PALLD: variants seen among roughly 807,000 people sequenced by gnomAD.
PALLD encodes palladin.
PALLD carries 61 observed loss-of-function variants against 123.5 expected under a neutral mutation model. The observed-to-expected ratio is 0.49, with a 90% CI of 0.40 to 0.61. PALLD has a LOEUF of 0.61. PALLD is among the 20% of genes least tolerant of loss of function. PALLD has a pLI of 0.00. For missense variants in PALLD, 1,273 were observed against 1,377.0 expected, an observed-to-expected ratio of 0.92 and a Z score of 1.20; for synonymous variants, 465 against 496.4, an observed-to-expected ratio of 0.94 and a Z score of 0.84.
chr4:168,528,320 G>A (rs1426294673), intron 2 of PALLD, among the ~76,000 whole-genome samples: 6 of 152,180 alleles, frequency 3.9e-5, no homozygotes, highest in East Asian at 3.9e-4. Flanking sequence ...ATTATTTCTC[G>A]CTGTTTGCTT....
chr4:168,786,567 G>T (rs1736790277), intron 10 of PALLD, among the ~76,000 whole-genome samples: 1 of 152,186 alleles, frequency 6.6e-6, no homozygotes, highest in African/African-American at 2.4e-5. Context: ...GTGGTCAGGA[G>T]GCTGAGGTGG....
chr4:168,918,411 ATGTT>A (rs1056366162), intron 17 of PALLD, among the ~76,000 whole-genome samples: 4 of 152,036 alleles, frequency 2.6e-5, no homozygotes, highest in African/African-American at 9.7e-5. Flanking sequence ...GGAGGACATA[ATGTT>A]AAGTGAAATA....
rs1782392756 is a variant in PALLD at position 168,689,412 on chromosome 4, C to A, written c.1336-1191C>A. On this transcript the variant is annotated intron_variant, in intron 6 of 21. Transcript: ENST00000505667. ...TTGAGTTATTTTGAGAGTCCTACACCTTACATTCGATCCAATATTCTTTTT... is the reference window on the plus strand; with the variant it reads ...TTGAGTTATTTTGAGAGTCCTACACATTACATTCGATCCAATATTCTTTTT... 2.9e-5 allele frequency among the ~76,000 whole-genome samples: 4 copies of A among 140,094 alleles called. No homozygotes were observed. In the South Asian group the frequency reaches 9.3e-4, roughly 33 times the overall value. 91.9% of individuals were successfully genotyped at this position (140,094 alleles called of 152,430 possible).
chr4:168,694,538 CTTCTCT>C (rs940164924), intron 8 of PALLD, among the ~76,000 whole-genome samples: 5 of 151,718 alleles, frequency 3.3e-5, no homozygotes, highest in Admixed American at 2.0e-4. Context: ...TTTCTTTACT[CTTCTCT>C]TTACTCTCTT....
chr4:168,676,588 A>AT (rs1005051964), intron 3 of PALLD, among the ~76,000 whole-genome samples: 33 of 148,644 alleles, frequency 2.2e-4, no homozygotes, highest in African/African-American at 5.9e-4. Flanking sequence ...TTAAAAAAAA[A>AT]TTTTTTTTTT....
At chr4:168,510,254 G>A (rs1439392105) in intron 1 of PALLD, among the ~76,000 whole-genome samples, 1 of 152,148 alleles carries the variant, frequency 6.6e-6, no homozygotes, top group African/African-American at 2.4e-5. Flanking sequence ...AATGTCAGTG[G>A]AATTTAAAGC....
At chr4:168,738,507 T>G in intron 10 of PALLD, among the ~76,000 whole-genome samples, 1 of 151,578 alleles carries the variant, frequency 6.6e-6, no homozygotes. Flanking sequence ...CTTGACTCAC[T>G]GCAACCTCCG....
At chr4:168,527,237 A>G (rs1764137146) in intron 2 of PALLD, among the ~76,000 whole-genome samples, 2 of 152,108 alleles carry the variant, frequency 1.3e-5, no homozygotes, top group African/African-American at 4.8e-5. Flanking sequence ...AGCCTGACCA[A>G]CACGGAGAAA....
At chr4:168,755,214 G>T (rs568544436) in intron 10 of PALLD, among the ~76,000 whole-genome samples, 2 of 140,220 alleles carry the variant, frequency 1.4e-5, no homozygotes, top group African/African-American at 5.4e-5. Flanking sequence ...GCCTGGGCGA[G>T]AGAGCAAGAC....
chr4:168,513,478 A>G (rs1561195778), intron 2 of PALLD, among the ~76,000 whole-genome samples: 1 of 152,154 alleles, frequency 6.6e-6, no homozygotes, highest in Non-Finnish European at 1.5e-5. Flanking sequence ...GTCCCCCTGC[A>G]GGGTTTCCAG....
intron 10 of PALLD, among the ~76,000 whole-genome samples, chr4:168,712,992 C>T (rs1360202461): frequency 6.6e-6 from 1 of 152,174 alleles, no homozygotes; most frequent in Non-Finnish European, 1.5e-5. Context: ...ATTTCATGAA[C>T]AACATTAGAC....
At chr4:168,703,493 C>T (rs1429768687) in intron 8 of PALLD, among the ~76,000 whole-genome samples, 1 of 125,276 alleles carries the variant, frequency 8.0e-6, no homozygotes, top group Non-Finnish European at 1.6e-5. Flanking sequence ...CACTGACTTC[C>T]GCAATGGTTG....
intron 10 of PALLD, among the ~76,000 whole-genome samples, chr4:168,762,586 A>G (rs958950345): frequency 2.0e-4 from 30 of 152,240 alleles, no homozygotes; most frequent in Non-Finnish European, 4.0e-4. Context: ...GGGATTGTAA[A>G]TTAGTTCAAC....
chr4:168,783,058 G>A (rs1581446028), intron 10 of PALLD, among the ~76,000 whole-genome samples: 3 of 136,462 alleles, frequency 2.2e-5, no homozygotes, highest in African/African-American at 8.2e-5. Flanking sequence ...GTGTGTGTGT[G>A]TGTGTGTGTG....
chr4:168,520,218 C>G (rs925592547), intron 2 of PALLD, among the ~76,000 whole-genome samples: 1 of 150,816 alleles, frequency 6.6e-6, no homozygotes, highest in African/African-American at 2.4e-5. Flanking sequence ...CCCAGCTACT[C>G]GGAAGGCTGA....
chr4:168,719,018 C>T (rs1388085601), intron 10 of PALLD, among the ~76,000 whole-genome samples: 1 of 151,432 alleles, frequency 6.6e-6, no homozygotes, highest in African/African-American at 2.4e-5. Flanking sequence ...AGTAATTCTC[C>T]TGCCTCAGCC....
intron 2 of PALLD, among the ~76,000 whole-genome samples, chr4:168,654,355 G>A (rs1054750878): frequency 6.6e-6 from 1 of 151,284 alleles, no homozygotes; most frequent in Admixed American, 6.6e-5. Flanking sequence ...TTTAAAAGTT[G>A]TGCATTGTGA....
intron 2 of PALLD, among the ~76,000 whole-genome samples, chr4:168,526,073 T>C (rs912827595): frequency 7.2e-5 from 11 of 152,206 alleles, no homozygotes; most frequent in Admixed American, 3.3e-4. Context: ...GAATTGGAAG[T>C]TGTATCTTCT....
intron 18 of PALLD, among the ~76,000 whole-genome samples, chr4:168,923,318 TAG>T (rs1436209705): frequency 1.3e-5 from 2 of 152,200 alleles, no homozygotes; most frequent in Non-Finnish European, 2.9e-5. Flanking sequence ...AAAGTTCAGG[TAG>T]AATTTTCATC....
Sources: allele counts gnomAD v4.1 joint callset (sites outside exome capture counted in the v4.1 genomes callset), GRCh38; gene constraint gnomAD v4.1.1; transcripts MANE v1.5; gene names NCBI Gene and HGNC (gene_info 2026-07-23, HGNC 2026-07-21).